ROR2: variants seen among roughly 807,000 people sequenced by gnomAD.
ROR2 encodes tyrosine-protein kinase transmembrane receptor ROR2.
A neutral mutation model predicts 74.9 loss-of-function variants in ROR2; 33 were observed. That is an observed-to-expected ratio of 0.44 (90% CI 0.33 to 0.59). ROR2 has a LOEUF of 0.59. ROR2 is among the 20% of genes least tolerant of loss of function. The pLI is 0.02. For missense variants in ROR2, 1,216 were observed against 1,313.8 expected, an observed-to-expected ratio of 0.93 and a Z score of 1.15; for synonymous variants, 586 against 558.7, an observed-to-expected ratio of 1.05 and a Z score of -0.69.
intron 1 of ROR2, among the ~76,000 whole-genome samples, chr9:91,837,597 G>GGATCTT (rs1828648437): frequency 2.0e-5 from 3 of 152,228 alleles, no homozygotes; most frequent in Admixed American, 2.0e-4. Context: ...GCTTGGGGAA[G>GGATCTT]AAGGCCAATC....
chr9:91,929,347 G>A (rs943258640), intron 1 of ROR2, among the ~76,000 whole-genome samples: 2 of 152,192 alleles, frequency 1.3e-5, no homozygotes, highest in Non-Finnish European at 2.9e-5. Context: ...CAGCCACAGA[G>A]GAAAATTTAA....
chr9:91,901,013 G>A (rs956045071), intron 1 of ROR2, among the ~76,000 whole-genome samples: 1 of 152,176 alleles, frequency 6.6e-6, no homozygotes, highest in Non-Finnish European at 1.5e-5. Flanking sequence ...CGAGGAAGCT[G>A]CACAAGGGGC....
At chr9:91,726,810 A>C (rs1255247813) in intron 7 of ROR2, 67 bp from the exon 8 acceptor site, 5 of 1,513,596 alleles carry the variant, frequency 3.3e-6, no homozygotes, top group Admixed American at 3.5e-5. Flanking sequence ...TTCTCTACCA[A>C]CCCACTCTCC....
intron 1 of ROR2, among the ~76,000 whole-genome samples, chr9:91,806,147 G>A (rs906891657): frequency 6.6e-6 from 1 of 152,166 alleles, no homozygotes; most frequent in Non-Finnish European, 1.5e-5. Flanking sequence ...AGGGACAGGG[G>A]GTTCTCTCAG....
intron 1 of ROR2, among the ~76,000 whole-genome samples, chr9:91,929,081 G>A (rs186785916): frequency 5.6e-4 from 85 of 152,332 alleles, no homozygotes; most frequent in Admixed American, 4.2e-3. Flanking sequence ...ATGGGAACAC[G>A]ATTTGACTTT....
intron 1 of ROR2, among the ~76,000 whole-genome samples, chr9:91,865,842 G>C (rs1204167750): frequency 6.6e-6 from 1 of 152,154 alleles, no homozygotes; most frequent in Non-Finnish European, 1.5e-5. Context: ...ATGTTCAACA[G>C]GGCCCCACCT....
chr9:91,945,687 C>G (rs1233350681), intron 1 of ROR2, among the ~76,000 whole-genome samples: 1 of 152,128 alleles, frequency 6.6e-6, no homozygotes, highest in East Asian at 1.9e-4. Context: ...ACAGAAATCC[C>G]AAAAACAGTG....
At chr9:91,829,280 C>A (rs1019814374) in intron 1 of ROR2, among the ~76,000 whole-genome samples, 3 of 152,140 alleles carry the variant, frequency 2.0e-5, no homozygotes, top group Admixed American at 1.3e-4. Context: ...CGGTGGCTCA[C>A]GCCTATAATC....
chr9:91,864,913 C>T (rs1220279811), intron 1 of ROR2, among the ~76,000 whole-genome samples: 2 of 152,172 alleles, frequency 1.3e-5, no homozygotes, highest in Non-Finnish European at 2.9e-5. Flanking sequence ...GGGGGATGAT[C>T]AGAAGATAAA....
chr9:91,899,430 GGAACCCTGTGTCCCT>G (rs1830616485), intron 1 of ROR2, among the ~76,000 whole-genome samples: 3 of 152,142 alleles, frequency 2.0e-5, no homozygotes, highest in Non-Finnish European at 4.4e-5. Context: ...AGGAGACTAT[GGAACCCTGTGTCCCT>G]CCTGTGTGCT....
intron 5 of ROR2, among the ~76,000 whole-genome samples, chr9:91,736,501 G>A (rs1587669351): frequency 1.3e-5 from 2 of 152,156 alleles, no homozygotes; most frequent in African/African-American, 4.8e-5. Context: ...AGAGCCTCCC[G>A]CTCCCATGGA....
In ROR2 at chr9:91,724,381, T is replaced by C; in HGVS notation, c.2113A>G (p.Ile705Val). Reference sequence around the variant, plus strand: ...CAAGGCAGCACCTGCCGGTTCCGGATCATCTCCACCACATCCTGGTTGGAG... The same window carrying C: ...CAAGGCAGCACCTGCCGGTTCCGGACCATCTCCACCACATCCTGGTTGGAG... ...GYSNQDVVEM[I>V]RNRQVLPCPD... The change falls in exon 9 of 9, where the codon ATC becomes GTC. Residue 705 changes from isoleucine to valine, a missense_variant. Physicochemically the swap from Ile to Val is conservative, Grantham distance 29 (BLOSUM62 3). Coordinates refer to ENST00000375708, the MANE Select transcript of ROR2 (RefSeq NM_004560.4). 1 of 1,614,062 alleles carries C rather than the reference T, an allele frequency of 6.2e-7. No individual in the cohort carries two copies. The highest frequency in any genetic ancestry group is 8.5e-7 in the Non-Finnish European group (1 of 1,180,016).
chr9:91,728,281 T>A (rs1837111581), intron 7 of ROR2, among the ~76,000 whole-genome samples: 1 of 152,234 alleles, frequency 6.6e-6, no homozygotes, highest in Non-Finnish European at 1.5e-5. Context: ...AAGTTTCGTG[T>A]TCTCCTAACT....
At chr9:91,900,351 G>T (rs540680569) in intron 1 of ROR2, among the ~76,000 whole-genome samples, 1 of 152,230 alleles carries the variant, frequency 6.6e-6, no homozygotes, top group Non-Finnish European at 1.5e-5. Context: ...CGCACAAGAT[G>T]GTCAATGACA....
intron 1 of ROR2, among the ~76,000 whole-genome samples, chr9:91,909,092 A>G (rs2119441951): frequency 6.6e-6 from 1 of 152,284 alleles, no homozygotes; most frequent in South Asian, 2.1e-4. Flanking sequence ...GAAACAACCT[A>G]TATAATTTCT....
At chr9:91,915,510 G>C (rs999550139) in intron 1 of ROR2, among the ~76,000 whole-genome samples, 5 of 152,174 alleles carry the variant, frequency 3.3e-5, no homozygotes, top group African/African-American at 4.8e-5. Context: ...ATGAAGCAGT[G>C]AGTGTTACAG....
At chr9:91,740,270 T>G (rs375782649) in intron 4 of ROR2, among the ~76,000 whole-genome samples, 2 of 152,116 alleles carry the variant, frequency 1.3e-5, no homozygotes, top group Non-Finnish European at 2.9e-5. Flanking sequence ...ATATCCAGGC[T>G]GGGCGCGGTG....
In ROR2 at chr9:91,724,403, G is replaced by A. The variant is rs1836929220; in HGVS notation, c.2091C>T (p.Ser697=). ...GGATCATCTCCACCACATCCTGGTT[G>A]GAGTACCCGCAGTAGGGCTGCAGGC... The part of the protein sequence containing the change: ...SYGLQPYCGY[S]NQDVVEMIRN... Residue 697 remains serine (S), a synonymous_variant, in exon 9 of 9, where the codon TCC becomes TCT. Transcript: ENST00000375708. The A allele has an allele frequency of 1.2e-6, 2 of 1,614,018 alleles. No individual in the cohort carries two copies. The highest frequency in any genetic ancestry group is 2.2e-5 in the East Asian group (1 of 44,876).
intron 1 of ROR2, among the ~76,000 whole-genome samples, chr9:91,836,051 A>G (rs1324107375): frequency 2.6e-5 from 4 of 152,186 alleles, no homozygotes; most frequent in South Asian, 2.1e-4. Context: ...TTCCCCCGCT[A>G]AACAACAGAG....
Sources: allele counts gnomAD v4.1 joint callset (sites outside exome capture counted in the v4.1 genomes callset), GRCh38; gene constraint gnomAD v4.1.1; transcripts MANE v1.5; gene names NCBI Gene and HGNC (gene_info 2026-07-23, HGNC 2026-07-21).